The following PCDH15 variants were observed in gnomAD, a reference collection of about 807,000 sequenced individuals.
PCDH15 encodes the protein protocadherin-15.
PCDH15 carries 129 observed loss-of-function variants against 178.5 expected under a neutral mutation model. The observed-to-expected ratio is 0.72, with a 90% CI of 0.63 to 0.84. The LOEUF is 0.84. Among genes scored for constraint, PCDH15 ranks in the 40% least tolerant of loss-of-function variants. The probability of loss-of-function intolerance (pLI) is 0.00; values close to 1 mark genes in which losing one functional copy is unlikely to be tolerated. For synonymous variants in PCDH15, 800 were observed against 732.0 expected, an observed-to-expected ratio of 1.09 and a Z score of -1.50; for missense variants, 2,230 against 2,099.9, an observed-to-expected ratio of 1.06 and a Z score of -1.21.
At chr10:55,230,765 T>C (rs1841192611) in intron 1 of PCDH15, among the ~76,000 whole-genome samples, 1 of 151,950 alleles carries the variant, frequency 6.6e-6, no homozygotes, top group South Asian at 2.1e-4. Flanking sequence ...GAAGTAACTG[T>C]AATAGAAAGA....
intron 3 of PCDH15, among the ~76,000 whole-genome samples, chr10:54,418,607 T>G (rs552776073): frequency 7.2e-5 from 11 of 152,066 alleles, no homozygotes; most frequent in Admixed American, 3.3e-4. Context: ...CACCCATAAC[T>G]TTATTATTTA....
chr10:55,413,488 G>A (rs1429087122), intron 2 of PCDH15, among the ~76,000 whole-genome samples: 1 of 151,418 alleles, frequency 6.6e-6, no homozygotes, highest in Admixed American at 6.6e-5. Flanking sequence ...ACATTTAAAG[G>A]GAATAGACGA....
At chr10:54,799,313 C>T (rs1952391671) in intron 1 of PCDH15, among the ~76,000 whole-genome samples, 1 of 151,810 alleles carries the variant, frequency 6.6e-6, no homozygotes. Flanking sequence ...TAAATGTGAA[C>T]AAATTAAGAG....
intron 1 of PCDH15, among the ~76,000 whole-genome samples, chr10:55,277,552 G>A (rs1214033886): frequency 6.6e-6 from 1 of 152,026 alleles, no homozygotes; most frequent in East Asian, 1.9e-4. Flanking sequence ...GTACACCACT[G>A]TGATAATTCA....
intron 1 of PCDH15, among the ~76,000 whole-genome samples, chr10:54,745,556 C>T (rs1945350503): frequency 6.6e-6 from 1 of 152,130 alleles, no homozygotes; most frequent in South Asian, 2.1e-4. Flanking sequence ...TGACAGTGAA[C>T]TTGAAATCAG....
At position 55,599,863 on chromosome 10, in the gene PCDH15, G is replaced by A. The variant is rs1437894976; in HGVS notation, c.-156+27762C>T. 3.7e-6 allele frequency: 5 copies of A among 1,365,558 alleles called. No individual in the cohort carries two copies. In the Admixed American group the frequency reaches 1.2e-4, roughly 32 times the overall value. 84.6% of individuals were successfully genotyped at this position (1,365,558 alleles called of 1,614,324 possible). On this transcript the variant is annotated intron_variant, in intron 2 of 5. Transcript: ENST00000613346. ...GCGGTATCCTGAACTTGCAAAGGTA[G>A]CATAATCACTTGTTCCCTAAGTAGG...
intron 3 of PCDH15, among the ~76,000 whole-genome samples, chr10:54,828,921 A>G (rs1254127231): frequency 6.6e-6 from 1 of 151,992 alleles, no homozygotes; most frequent in Non-Finnish European, 1.5e-5. Context: ...AATGTACTAC[A>G]CATTTTGGGA....
chr10:55,220,955 A>G (rs1342181584), intron 1 of PCDH15, among the ~76,000 whole-genome samples: 1 of 152,080 alleles, frequency 6.6e-6, no homozygotes, highest in Admixed American at 6.5e-5. Flanking sequence ...TCCATCTGGT[A>G]CGTTCAAGAT....
At chr10:54,200,269 CTTTTTTTTTTT>C (rs11377394) in intron 10 of PCDH15, among the ~76,000 whole-genome samples, 2 of 106,098 alleles carry the variant, frequency 1.9e-5, no homozygotes, top group Admixed American at 1.1e-4. Context: ...ACAGAGCCCA[CTTTTTTTTTTT>C]TTTTTTTTTT....
chr10:54,106,034 G>A (rs752799331), intron 15 of PCDH15, among the ~76,000 whole-genome samples: 1 of 152,128 alleles, frequency 6.6e-6, no homozygotes, highest in Non-Finnish European at 1.5e-5. Flanking sequence ...AGATACAATA[G>A]ATCACACATT....
intron 14 of PCDH15, among the ~76,000 whole-genome samples, chr10:54,145,786 T>C (rs1316942899): frequency 6.6e-6 from 1 of 152,080 alleles, no homozygotes; most frequent in Non-Finnish European, 1.5e-5. Context: ...CTATATCTGT[T>C]GATATAAACT....
intron 2 of PCDH15, among the ~76,000 whole-genome samples, chr10:55,040,293 G>T (rs1451947070): frequency 1.3e-5 from 2 of 152,030 alleles, no homozygotes; most frequent in Non-Finnish European, 2.9e-5. Context: ...TGTCCAGAAA[G>T]AAAACAGACA....
intron 17 of PCDH15, among the ~76,000 whole-genome samples, chr10:54,073,525 C>T (rs968421619): frequency 6.6e-6 from 1 of 151,956 alleles, no homozygotes; most frequent in African/African-American, 2.4e-5. Flanking sequence ...ATTTATATTG[C>T]CATGTTTCAA....
intron 1 of PCDH15, among the ~76,000 whole-genome samples, chr10:55,245,463 T>C (rs1438371154): frequency 1.3e-5 from 2 of 152,208 alleles, no homozygotes; most frequent in Non-Finnish European, 2.9e-5. Context: ...CAATGTTGTA[T>C]GCTTATTTCC....
At chr10:54,682,075 A>G (rs978630405) in intron 1 of PCDH15, among the ~76,000 whole-genome samples, 1 of 152,192 alleles carries the variant, frequency 6.6e-6, no homozygotes, top group Non-Finnish European at 1.5e-5. Flanking sequence ...GCATACAGTT[A>G]TACAGTTATT....
intron 8 of PCDH15, among the ~76,000 whole-genome samples, chr10:54,316,033 T>C (rs1352243810): frequency 6.6e-6 from 1 of 151,930 alleles, no homozygotes; most frequent in Non-Finnish European, 1.5e-5. Flanking sequence ...TAACTTTAGG[T>C]ATTCTACATC....
At chr10:54,912,305 T>A (rs1383896752) in intron 2 of PCDH15, among the ~76,000 whole-genome samples, 1 of 152,122 alleles carries the variant, frequency 6.6e-6, no homozygotes, top group African/African-American at 2.4e-5. Context: ...CCAAATCTCA[T>A]GTTAAATTGT....
At chr10:54,620,090 C>G (rs1226014031) in intron 2 of PCDH15, among the ~76,000 whole-genome samples, 1 of 152,028 alleles carries the variant, frequency 6.6e-6, no homozygotes, top group African/African-American at 2.4e-5. Flanking sequence ...TATTTTAACA[C>G]TACAACAACC....
intron 8 of PCDH15, among the ~76,000 whole-genome samples, chr10:54,303,445 C>G (rs907865030): frequency 7.9e-5 from 12 of 151,832 alleles, no homozygotes; most frequent in Non-Finnish European, 1.5e-4. Context: ...CATATATATG[C>G]ACACACATAC....
Sources: allele counts gnomAD v4.1 joint callset (sites outside exome capture counted in the v4.1 genomes callset), GRCh38; gene constraint gnomAD v4.1.1; transcripts MANE v1.5; gene names NCBI Gene and HGNC (gene_info 2026-07-23, HGNC 2026-07-21).